DMD: variants seen among roughly 807,000 people sequenced by gnomAD.
DMD encodes dystrophin, also known as mutant dystrophin.
In DMD, 63 loss-of-function variants were observed where a neutral mutation model predicts 330.1. The ratio of observed to expected loss-of-function variants is 0.19; its 90% CI spans 0.16 to 0.24. DMD has a LOEUF of 0.24. Among genes scored for constraint, DMD ranks in the 10% least tolerant of loss-of-function variants. The probability of loss-of-function intolerance (pLI) is 1.00; values close to 1 mark genes in which losing one functional copy is unlikely to be tolerated. For synonymous variants in DMD, 1,223 were observed against 959.8 expected (o/e 1.27, Z -5.07); for missense variants, 3,344 against 2,684.1 (o/e 1.25, Z -5.43).
intron 1 of DMD, among the ~76,000 whole-genome samples, chrX:33,327,364 A>G (rs371023227): frequency 2.5e-4 from 28 of 111,914 alleles, no homozygotes; most frequent in African/African-American, 9.1e-4. Context: ...GAACTAAAAT[A>G]TGCATGAGAA....
At position 33,020,594 on chromosome X, in the gene DMD, A is replaced by G. The variant is rs763667262; in HGVS notation, c.32-394T>C. 2.3e-3 allele frequency among the ~76,000 whole-genome samples: 254 copies of G among 111,705 alleles called. 1 individual carries two copies. The highest frequency in any genetic ancestry group is 6.8e-3 in the African/African-American group (208 of 30,801). ...GAGGCTGAGGCAGGAGAATCATTTG[A>G]ATCCAGGAGGTGGAGGTTGCAGTGA... is the stretch of plus-strand genomic sequence containing the variant. On this transcript the variant is annotated intron_variant, in intron 1 of 78. Transcript: ENST00000357033.
intron 63 of DMD, 59 bp downstream of exon 63, chrX:31,260,896 T>C (rs765068646): frequency 9.2e-7 from 1 of 1,089,025 alleles, no homozygotes; most frequent in Admixed American, 2.2e-5. Context: ...CACTGCAAAC[T>C]ACTTTATCCT....
intron 47 of DMD, among the ~76,000 whole-genome samples, chrX:31,923,754 C>T (rs747447167): frequency 9.1e-6 from 1 of 110,362 alleles, no homozygotes; most frequent in East Asian, 2.9e-4. Context: ...CATGCCACCA[C>T]GCTCAGCTAA....
At chrX:32,683,208 A>C (rs903559734) in intron 9 of DMD, among the ~76,000 whole-genome samples, 16 of 111,360 alleles carry the variant, frequency 1.4e-4, no homozygotes, top group Admixed American at 4.8e-4. Context: ...TAATTACTCA[A>C]TAATTTTCTA....
chrX:33,265,892 T>C (rs940186935), intron 1 of DMD, among the ~76,000 whole-genome samples: 3 of 111,781 alleles, frequency 2.7e-5, no homozygotes, highest in African/African-American at 9.7e-5. Context: ...ATTAGTGCTT[T>C]ATAAGCAACT....
At chrX:32,731,150 G>T (rs768247287) in intron 7 of DMD, among the ~76,000 whole-genome samples, 2 of 112,049 alleles carry the variant, frequency 1.8e-5, no homozygotes, top group Admixed American at 1.9e-4. Context: ...AAGGGGTGAC[G>T]GACAGCACCT....
intron 1 of DMD, among the ~76,000 whole-genome samples, chrX:33,153,836 T>C (rs1323566793): frequency 4.5e-5 from 5 of 112,074 alleles, no homozygotes; most frequent in Admixed American, 9.5e-5. Context: ...ATCTTTCTCT[T>C]TTAATAGATG....
At chrX:32,796,108 AGT>A (rs2076162185) in intron 7 of DMD, among the ~76,000 whole-genome samples, 1 of 82,615 alleles carries the variant, frequency 1.2e-5, no homozygotes, top group Non-Finnish European at 2.7e-5. Context: ...GCCACTAATA[AGT>A]ATATATGTAA....
chrX:32,421,229 A>T (rs1004408797), intron 29 of DMD, among the ~76,000 whole-genome samples: 7 of 112,253 alleles, frequency 6.2e-5, no homozygotes, highest in African/African-American at 9.7e-5. Context: ...TCCACACTAC[A>T]TTGAAAAAGT....
chrX:33,292,894 T>C (rs2053532507), intron 1 of DMD, among the ~76,000 whole-genome samples: 1 of 110,822 alleles, frequency 9.0e-6, no homozygotes, highest in African/African-American at 3.3e-5. Context: ...TCAATTTTTC[T>C]GCTTCTCTTT....
intron 7 of DMD, among the ~76,000 whole-genome samples, chrX:32,789,757 C>G (rs2075681542): frequency 8.9e-6 from 1 of 111,779 alleles, no homozygotes; most frequent in African/African-American, 3.3e-5. Flanking sequence ...TGGAAATTAT[C>G]TAGAACATGA....
chrX:32,047,723 AT>A (rs2096073871), intron 44 of DMD, among the ~76,000 whole-genome samples: 1 of 111,347 alleles, frequency 9.0e-6, no homozygotes, highest in Non-Finnish European at 1.9e-5. Flanking sequence ...AGTTTCACAT[AT>A]CATTAAAACA....
chrX:33,174,857 T>G (rs1300215493), intron 1 of DMD, among the ~76,000 whole-genome samples: 3 of 112,104 alleles, frequency 2.7e-5, no homozygotes, highest in Non-Finnish European at 5.6e-5. Flanking sequence ...GCCACAAATA[T>G]TCTCAAATGA....
intron 55 of DMD, among the ~76,000 whole-genome samples, chrX:31,607,178 G>T (rs1346572903): frequency 2.7e-5 from 3 of 111,628 alleles, no homozygotes; most frequent in Non-Finnish European, 5.7e-5. Flanking sequence ...CTAATCCTGA[G>T]AACCTATGAA....
At chrX:33,102,316 G>GTTTTTTTT (rs3083153) in intron 1 of DMD, among the ~76,000 whole-genome samples, 1 of 95,844 alleles carries the variant, frequency 1.0e-5, no homozygotes, top group Non-Finnish European at 2.1e-5. Flanking sequence ...GGTTTTTTTT[G>GTTTTTTTT]TTTTTTTTTT....
chrX:33,248,604 T>A (rs1345764197), intron 1 of DMD, among the ~76,000 whole-genome samples: 1 of 111,895 alleles, frequency 8.9e-6, no homozygotes, highest in Non-Finnish European at 1.9e-5. Flanking sequence ...TGAATGTAGT[T>A]ATTAAAAAAT....
chrX:31,390,754 G>T (rs1330575617), intron 60 of DMD, among the ~76,000 whole-genome samples: 2 of 111,724 alleles, frequency 1.8e-5, no homozygotes, highest in Non-Finnish European at 3.8e-5. Context: ...TGGCCTCTTT[G>T]CTTCTACTCT....
At position 31,615,112 on chromosome X, in the gene DMD, A is replaced by G. The variant is rs982324115; in HGVS notation, c.8217+12561T>C. On this transcript the variant is annotated intron_variant, in intron 55 of 78. Coordinates refer to ENST00000357033, the MANE Select transcript of DMD (RefSeq NM_004006.3). ...CTAGAAAGTCTGCTCCCAAAGACCA[A>G]TAACCCTAAAAAATTATTCAAGGTT... 1.2e-4 allele frequency among the ~76,000 whole-genome samples: 13 copies of G among 111,882 alleles called. 1 individual carries two copies. The highest frequency in any genetic ancestry group is 1.2e-3 in the Admixed American group (12 of 10,427).
chrX:32,783,837 A>G (rs944102637), intron 7 of DMD, among the ~76,000 whole-genome samples: 1 of 111,109 alleles, frequency 9.0e-6, no homozygotes, highest in African/African-American at 3.3e-5. Flanking sequence ...TCGTATTCTT[A>G]AAGTATAATC....
Sources: allele counts gnomAD v4.1 joint callset (sites outside exome capture counted in the v4.1 genomes callset), GRCh38; gene constraint gnomAD v4.1.1; transcripts MANE v1.5; gene names NCBI Gene and HGNC (gene_info 2026-07-23, HGNC 2026-07-21).